Variants in CFAP61 observed in about 807,000 individuals in gnomAD.
CFAP61 encodes the protein cilia and flagella associated protein 61, also known as cilia- and flagella-associated protein 61.
CFAP61 carries 107 observed loss-of-function variants against 135.6 expected under a neutral mutation model. The observed-to-expected ratio is 0.79, with a 90% CI of 0.67 to 0.93. The LOEUF is 0.93. Among genes scored for constraint, CFAP61 ranks in the 40% least tolerant of loss-of-function variants. The probability of loss-of-function intolerance (pLI) is 0.00; values close to 1 mark genes in which losing one functional copy is unlikely to be tolerated. For missense variants in CFAP61, 1,507 were observed against 1,556.2 expected (o/e 0.97, Z 0.53); for synonymous variants, 575 against 578.5 (o/e 0.99, Z 0.09).
At chr20:20,292,654 G>T (rs2055074620) in intron 24 of CFAP61, among the ~76,000 whole-genome samples, 1 of 152,164 alleles carries the variant, frequency 6.6e-6, no homozygotes. Context: ...ACTCAGCTGG[G>T]CTGGGATGAC....
At chr20:20,297,997 A>G (rs2055772876) in intron 24 of CFAP61, among the ~76,000 whole-genome samples, 184 bp from the exon 25 acceptor site, 1 of 152,202 alleles carries the variant, frequency 6.6e-6, no homozygotes, top group Non-Finnish European at 1.5e-5. Flanking sequence ...CCTGAGTCCA[A>G]GTATGTGGTT....
chr20:20,295,660 A>G (rs899432890), intron 24 of CFAP61, among the ~76,000 whole-genome samples: 1 of 152,150 alleles, frequency 6.6e-6, no homozygotes, highest in Non-Finnish European at 1.5e-5. Flanking sequence ...ATATATCTAC[A>G]TATATTTTAA....
chr20:20,309,307 A>T (rs1283953698), intron 25 of CFAP61, among the ~76,000 whole-genome samples: 1 of 152,226 alleles, frequency 6.6e-6, no homozygotes, highest in Non-Finnish European at 1.5e-5. Context: ...TAGAATATAA[A>T]ATCTATACCT....
intron 17 of CFAP61, among the ~76,000 whole-genome samples, chr20:20,213,681 T>G (rs1268764594): frequency 6.6e-6 from 1 of 152,224 alleles, no homozygotes; most frequent in African/African-American, 2.4e-5. Flanking sequence ...CTGTTTACGT[T>G]CTCACCATCT....
chr20:20,091,019 G>A, intron 7 of CFAP61, 43 bp downstream of exon 7: 1 of 1,608,242 alleles, frequency 6.2e-7, no homozygotes. Flanking sequence ...GTGAGAGGAA[G>A]GAGGGATGTG....
chr20:20,092,476 A>C (rs1044430815), intron 7 of CFAP61, among the ~76,000 whole-genome samples: 1 of 152,198 alleles, frequency 6.6e-6, no homozygotes, highest in African/African-American at 2.4e-5. Flanking sequence ...TTGGAATGAA[A>C]AGTTCTCTTA....
intron 25 of CFAP61, among the ~76,000 whole-genome samples, chr20:20,311,583 G>C (rs979060473): frequency 2.0e-5 from 3 of 152,110 alleles, no homozygotes; most frequent in Non-Finnish European, 4.4e-5. Context: ...AGAGTCCGGG[G>C]AGACCAAGGC....
At chr20:20,105,228 A>G (rs1216896975) in intron 8 of CFAP61, among the ~76,000 whole-genome samples, 3 of 152,028 alleles carry the variant, frequency 2.0e-5, no homozygotes, top group South Asian at 2.1e-4. Context: ...TGTCCCACCA[A>G]TGGGCTTCTC....
At position 20,074,376 on chromosome 20, in the gene CFAP61, T is replaced by G. The variant is rs772599924; in HGVS notation, c.369T>G (p.Leu123=). The change falls in exon 4 of 27, where the codon CTT becomes CTG. Residue 123 remains leucine (L), a splice_region_variant and synonymous_variant. Coordinates refer to ENST00000245957, the MANE Select transcript of CFAP61 (RefSeq NM_015585.4). ...CTGTTGGCTGTTGCAAAGAGATTCT[T>G]CGGTGAGTGGATATGGCCGTGCAGT... The part of the protein sequence containing the change: ...EYSVGCCKEI[L]RTVYKAVPEL... 1 of 1,613,774 alleles carries G rather than the reference T, an allele frequency of 6.2e-7. No homozygotes were observed. The highest frequency in any genetic ancestry group is 1.7e-5 in the Admixed American group (1 of 60,026).
chr20:20,060,080 A>G (rs1323728605), intron 2 of CFAP61, among the ~76,000 whole-genome samples: 9 of 145,858 alleles, frequency 6.2e-5, no homozygotes, highest in Admixed American at 6.0e-4. Flanking sequence ...AGAGGGGGAA[A>G]AAAAAAAAAC....
At position 20,346,300 on chromosome 20, in the gene CFAP61, C is replaced by A. The variant is rs62200213; in HGVS notation, c.3513+4379C>A. Among the ~76,000 whole-genome samples, 75 of 148,986 alleles carry A rather than the reference C, an allele frequency of 5.0e-4. 1 individual carries two copies. The East Asian group carries it at 0.012, about 25-fold the overall frequency. ...GGGAGGCCGAGGCAGGTGGATCGCC[C>A]GAGGTCAGGAGTTCGAGACCAGTCT... On this transcript the variant is annotated intron_variant, in intron 26 of 26. Coordinates refer to ENST00000245957, the MANE Select transcript of CFAP61 (RefSeq NM_015585.4).
At chr20:20,319,538 C>G (rs1481848069) in intron 25 of CFAP61, among the ~76,000 whole-genome samples, 1 of 152,186 alleles carries the variant, frequency 6.6e-6, no homozygotes, top group African/African-American at 2.4e-5. Context: ...AGCACCTCCC[C>G]TTCTCTCTTC....
intron 8 of CFAP61, among the ~76,000 whole-genome samples, chr20:20,108,658 C>T (rs767233150): frequency 1.3e-5 from 2 of 152,150 alleles, no homozygotes; most frequent in East Asian, 1.9e-4. Flanking sequence ...AATAGAGCAA[C>T]GCTTTTATTT....
intron 18 of CFAP61, among the ~76,000 whole-genome samples, chr20:20,243,574 A>G (rs1181350340): frequency 6.6e-6 from 1 of 152,072 alleles, no homozygotes; most frequent in African/African-American, 2.4e-5. Flanking sequence ...AGTAGCTGGG[A>G]TTACAGGCAT....
intron 16 of CFAP61, 90 bp from the exon 17 acceptor site, chr20:20,199,678 A>C: frequency 8.4e-6 from 12 of 1,434,670 alleles, no homozygotes; most frequent in Non-Finnish European, 1.0e-5. Flanking sequence ...GGCCGAGTTA[A>C]GAGTTTTGTA....
At chr20:20,273,028 C>G (rs2053478010) in intron 21 of CFAP61, among the ~76,000 whole-genome samples, 1 of 150,150 alleles carries the variant, frequency 6.7e-6, no homozygotes, top group Admixed American at 6.7e-5. Flanking sequence ...ACTAGAGGTG[C>G]GTGCCATGCT....
chr20:20,257,761 A>G (rs1245767070), intron 20 of CFAP61, among the ~76,000 whole-genome samples: 1 of 152,234 alleles, frequency 6.6e-6, no homozygotes, highest in East Asian at 1.9e-4. Context: ...TAAATGCAAA[A>G]TAGAAAATGA....
At chr20:20,110,218 CT>C (rs1330406782) in intron 8 of CFAP61, among the ~76,000 whole-genome samples, 14 of 152,238 alleles carry the variant, frequency 9.2e-5, no homozygotes, top group Admixed American at 7.2e-4. Context: ...GCTCTACCAA[CT>C]TAGGTCCAAG....
At chr20:20,337,316 G>A (rs1214978699) in intron 25 of CFAP61, among the ~76,000 whole-genome samples, 21 of 108,474 alleles carry the variant, frequency 1.9e-4, no homozygotes, top group African/African-American at 6.3e-4. Flanking sequence ...ATGGATGGAT[G>A]GATGGATGGA....
Sources: gnomAD v4.1 joint callset for allele counts (sites outside exome capture counted in the v4.1 genomes callset) on GRCh38, gnomAD v4.1.1 for gene constraint, MANE v1.5 for transcripts, NCBI Gene and HGNC (gene_info 2026-07-23, HGNC 2026-07-21) for gene names.